Variants in EFCC1 observed in about 807,000 individuals in gnomAD.
EFCC1 encodes EF-hand and coiled-coil domain-containing protein 1.
In EFCC1, 50 loss-of-function variants were observed where a neutral mutation model predicts 52.1. The observed-to-expected ratio is 0.96, with a 90% CI of 0.76 to 1.21. The LOEUF (loss-of-function observed/expected upper bound fraction) is 1.21, where lower values mean the gene tolerates loss of function less well. EFCC1 is among the 50% of genes most tolerant of loss of function. The pLI is 0.00. For missense variants in EFCC1, 837 were observed against 867.3 expected (o/e 0.97, Z 0.44); for synonymous variants, 399 against 396.5 (o/e 1.01, Z -0.08).
At chr3:129,022,308 G>A (rs1945891284) in intron 2 of EFCC1, among the ~76,000 whole-genome samples, 1 of 152,214 alleles carries the variant, frequency 6.6e-6, no homozygotes, top group East Asian at 1.9e-4. Flanking sequence ...CTCAGAGACG[G>A]GGAGGGAGTT....
In EFCC1 at chr3:129,014,699, G is replaced by T. The variant is rs1945492449; in HGVS notation, c.980+10622G>T. Among the ~76,000 whole-genome samples, 1 of 152,196 alleles carries T rather than the reference G, an allele frequency of 6.6e-6. No individual in the cohort carries two copies. Among genetic ancestry groups the T allele is most frequent in the Admixed American group, 6.5e-5 (1 of 15,278 alleles). On this transcript the variant is annotated intron_variant, in intron 2 of 7. Coordinates refer to ENST00000683648, the MANE Select transcript of EFCC1 (RefSeq NM_001377500.1). The surrounding 1 kb of genome is among the most constrained non-coding windows in gnomAD (Gnocchi z 4.3). ...TCTGAGATGTGACCCTGGAATTGAGGCCTGAGTGGCAAGGTGGGGCCATGA... is the reference window on the plus strand; with the variant it reads ...TCTGAGATGTGACCCTGGAATTGAGTCCTGAGTGGCAAGGTGGGGCCATGA...
At chr3:129,039,397 C>T (rs910517771) in intron 7 of EFCC1, among the ~76,000 whole-genome samples, 3 of 152,202 alleles carry the variant, frequency 2.0e-5, no homozygotes, top group African/African-American at 4.8e-5. Context: ...TCCTGCCTCA[C>T]GGGTCTTCAC....
chr3:129,019,208 C>T (rs1198470140), intron 2 of EFCC1, among the ~76,000 whole-genome samples: 1 of 152,202 alleles, frequency 6.6e-6, no homozygotes, highest in Non-Finnish European at 1.5e-5. Flanking sequence ...AGTGGTCCTC[C>T]GTTCCTAGGT....
chr3:129,002,217 T>C lies in EFCC1; in HGVS notation c.589T>C (p.Cys197Arg). ...CAPGPDSGPD[C>R]ERVARLEEEN... ...GCCTGGCCCCGACAGCGGTCCTGAC[T>C]GTGAGCGCGTTGCGCGGCTGGAGGA... Residue 197 changes from cysteine (C) to arginine (R), a missense_variant, in exon 1 of 8, where the codon TGT becomes CGT. Coordinates refer to ENST00000683648, the MANE Select transcript of EFCC1 (RefSeq NM_001377500.1). The C allele has an allele frequency of 2.6e-6, 4 of 1,528,772 alleles. No homozygotes were observed. The highest frequency in any genetic ancestry group is 2.6e-6 in the Non-Finnish European group (3 of 1,143,334). The allele number at this position is 1,528,772 out of a possible 1,614,324, so 94.7% of individuals were successfully genotyped here.
chr3:129,021,073 TG>T (rs1356826910), intron 2 of EFCC1, among the ~76,000 whole-genome samples: 1 of 152,132 alleles, frequency 6.6e-6, no homozygotes, highest in Non-Finnish European at 1.5e-5. Context: ...CCTCAGTGAC[TG>T]GAAGGGTGGT....
chr3:129,039,652 G>A, intron 7 of EFCC1, 60 bp from the exon 8 acceptor site: 5 of 1,515,406 alleles, frequency 3.3e-6, no homozygotes, highest in African/African-American at 2.8e-5. Context: ...AGGGACAGTG[G>A]CTCTGTGGGT....
intron 2 of EFCC1, among the ~76,000 whole-genome samples, chr3:129,025,112 G>A (rs61343619): frequency 7.4e-4 from 112 of 152,222 alleles, no homozygotes; most frequent in African/African-American, 1.4e-3. Context: ...AAGTTCGGGC[G>A]CTTGTCAGGA....
intron 2 of EFCC1, among the ~76,000 whole-genome samples, chr3:129,019,470 C>T (rs753546242): frequency 6.6e-6 from 1 of 152,208 alleles, no homozygotes; most frequent in Non-Finnish European, 1.5e-5. Flanking sequence ...TGTGAGACCG[C>T]AGCAGGACCC....
chr3:129,018,509 A>G (rs1945687924), intron 2 of EFCC1, among the ~76,000 whole-genome samples: 2 of 152,216 alleles, frequency 1.3e-5, no homozygotes, highest in African/African-American at 4.8e-5. Context: ...TCCTGTGCAG[A>G]GTGGAGTAGC....
At chr3:129,024,215 C>T (rs1945996345) in intron 2 of EFCC1, among the ~76,000 whole-genome samples, 1 of 152,118 alleles carries the variant, frequency 6.6e-6, no homozygotes. Flanking sequence ...CAGAATACCA[C>T]AGACTGGGTA....
intron 6 of EFCC1, 146 bp from the exon 7 acceptor site, chr3:129,038,685 G>A: frequency 1.3e-6 from 1 of 761,288 alleles, no homozygotes; most frequent in African/African-American, 1.7e-5. Flanking sequence ...CTAGGGGTAG[G>A]GGGCCAAGAA....
intron 2 of EFCC1, among the ~76,000 whole-genome samples, chr3:129,023,812 T>C (rs376390319): frequency 2.8e-4 from 42 of 152,314 alleles, no homozygotes; most frequent in Non-Finnish European, 3.5e-4. Context: ...TCCACCCCTC[T>C]CTGAGGTGCA....
intron 1 of EFCC1, among the ~76,000 whole-genome samples, chr3:129,002,946 G>T (rs541412577): frequency 2.0e-5 from 3 of 152,202 alleles, no homozygotes; most frequent in African/African-American, 7.2e-5. Flanking sequence ...AAACCATGGG[G>T]TGAGATAGGG....
intron 2 of EFCC1, among the ~76,000 whole-genome samples, chr3:129,024,868 G>A (rs573984522): frequency 7.9e-5 from 12 of 152,296 alleles, no homozygotes; most frequent in African/African-American, 2.4e-4. Flanking sequence ...AGAGGGAGAG[G>A]TGAGTTCTGA....
At chr3:129,030,005 C>A (rs1946238537) in intron 2 of EFCC1, among the ~76,000 whole-genome samples, 1 of 151,648 alleles carries the variant, frequency 6.6e-6, no homozygotes, top group African/African-American at 2.4e-5. Flanking sequence ...AGCAACATGG[C>A]AAAACCCTGT....
chr3:129,019,529 A>G (rs1241403221), intron 2 of EFCC1, among the ~76,000 whole-genome samples: 1 of 152,196 alleles, frequency 6.6e-6, no homozygotes, highest in East Asian at 1.9e-4. Context: ...TTCTAGATTC[A>G]TATAATTGTA....
At chr3:129,034,895 A>T (rs1252230417) in intron 5 of EFCC1, among the ~76,000 whole-genome samples, 1 of 152,180 alleles carries the variant, frequency 6.6e-6, no homozygotes, top group Non-Finnish European at 1.5e-5. Flanking sequence ...CTGCCACCAA[A>T]GTCAGATGAA....
intron 2 of EFCC1, among the ~76,000 whole-genome samples, chr3:129,023,310 CTT>C (rs3036084): frequency 4.6e-4 from 64 of 138,094 alleles, no homozygotes; most frequent in Admixed American, 1.1e-3. Flanking sequence ...CCTCTTGCTT[CTT>C]TTTTTTTTTT....
chr3:129,035,074 T>G (rs577280701), intron 5 of EFCC1, among the ~76,000 whole-genome samples: 1 of 152,376 alleles, frequency 6.6e-6, no homozygotes, highest in Non-Finnish European at 1.5e-5. Context: ...GCAATGCTGT[T>G]GAAAGTTGTC....
Sources: allele counts gnomAD v4.1 joint callset (sites outside exome capture counted in the v4.1 genomes callset), GRCh38; gene constraint gnomAD v4.1.1; non-coding constraint Gnocchi (gnomAD v3.1); transcripts MANE v1.5; gene names NCBI Gene and HGNC (gene_info 2026-07-23, HGNC 2026-07-21).